NELL2: variants seen among roughly 807,000 people sequenced by gnomAD.
The protein encoded by NELL2 is protein kinase C-binding protein NELL2.
In NELL2, 41 loss-of-function variants were observed where a neutral mutation model predicts 109.6. The observed-to-expected ratio is 0.37, with a 90% confidence interval of 0.29 to 0.49. The LOEUF (loss-of-function observed/expected upper bound fraction) is 0.49, where lower values mean the gene tolerates loss of function less well. Ranked by LOEUF, NELL2 falls within the 20% of genes least tolerant of loss-of-function variation. The pLI is 0.98. For synonymous variants in NELL2, 355 were observed against 344.7 expected (o/e 1.03, Z -0.33); for missense variants, 900 against 1,008.3 (o/e 0.89, Z 1.45).
chr12:44,584,431 T>C (rs1944425494), intron 15 of NELL2, among the ~76,000 whole-genome samples: 1 of 152,238 alleles, frequency 6.6e-6, no homozygotes, highest in African/African-American at 2.4e-5. Context: ...GTTACGACAC[T>C]CTTTGTGCCA....
rs71093810 is a variant in NELL2, at chr12:44,517,371, T to TTCTCTC, written c.2400+2628_2400+2633dup. Reference sequence around the variant, plus strand: ...GTCTGGTACCTACCCACCAACTACTTTCTCTCTCTCTCTCTCTCTCTCTCT... The same window carrying TTCTCTC: ...GTCTGGTACCTACCCACCAACTACTTTCTCTCTCTCTCTCTCTCTCTCTCTCTCTCT... On this transcript the variant is annotated intron_variant, in intron 19 of 19. Transcript: ENST00000429094. 1.4e-3 allele frequency among the ~76,000 whole-genome samples: 145 copies of TTCTCTC among 102,502 alleles called. 2 individuals carry two copies. Among genetic ancestry groups the TTCTCTC allele is most frequent in the Non-Finnish European group, 1.9e-3 (93 of 48,934 alleles). The allele number at this position is 102,502 out of a possible 152,430, so 67.2% of individuals were successfully genotyped here.
At chr12:44,697,138 T>G (rs2136407507) in intron 12 of NELL2, among the ~76,000 whole-genome samples, 1 of 152,316 alleles carries the variant, frequency 6.6e-6, no homozygotes, top group East Asian at 1.9e-4. Flanking sequence ...ACCAAACTTC[T>G]AACTAAAGAC....
intron 2 of NELL2, among the ~76,000 whole-genome samples, chr12:44,856,359 A>G (rs1249007854): frequency 6.6e-6 from 1 of 152,254 alleles, no homozygotes; most frequent in Non-Finnish European, 1.5e-5. Flanking sequence ...GACAAACAAT[A>G]AACAATTCAA....
At chr12:44,609,201 T>C (rs545291942) in intron 14 of NELL2, among the ~76,000 whole-genome samples, 8 of 151,916 alleles carry the variant, frequency 5.3e-5, no homozygotes, top group Non-Finnish European at 8.8e-5. Context: ...CCATCTGCCT[T>C]GGCCCCCCAA....
chr12:44,527,029 A>G (rs970034973), intron 16 of NELL2, among the ~76,000 whole-genome samples: 1 of 152,226 alleles, frequency 6.6e-6, no homozygotes, highest in Non-Finnish European at 1.5e-5. Context: ...TAATCTCATC[A>G]TACTTAGCAA....
At chr12:44,568,005 C>A (rs1943724669) in intron 15 of NELL2, among the ~76,000 whole-genome samples, 1 of 151,696 alleles carries the variant, frequency 6.6e-6, no homozygotes, top group Admixed American at 6.6e-5. Flanking sequence ...TCACACTAAT[C>A]AAAAAATAAC....
At chr12:44,641,102 GAAGA>G (rs936122556) in intron 13 of NELL2, among the ~76,000 whole-genome samples, 1 of 152,076 alleles carries the variant, frequency 6.6e-6, no homozygotes, top group Non-Finnish European at 1.5e-5. Context: ...AGAACAGAAA[GAAGA>G]AAGAAAGAAA....
chr12:44,645,332 CA>C (rs2136307711), intron 13 of NELL2, among the ~76,000 whole-genome samples: 1 of 152,252 alleles, frequency 6.6e-6, no homozygotes, highest in South Asian at 2.1e-4. Context: ...ATAGCAAAAG[CA>C]AATGTAACAA....
intron 12 of NELL2, among the ~76,000 whole-genome samples, chr12:44,679,924 G>A (rs369518772): frequency 2.0e-5 from 3 of 152,156 alleles, no homozygotes; most frequent in African/African-American, 7.2e-5. Context: ...GCTTATTCAT[G>A]GGTAGTTAGT....
chr12:44,899,439 A>G (rs562998062), intron 1 of NELL2, among the ~76,000 whole-genome samples: 1 of 152,320 alleles, frequency 6.6e-6, no homozygotes, highest in East Asian at 1.9e-4. Context: ...ACAAGCCAGA[A>G]GAGAGTGGGG....
At chr12:44,846,765 T>C (rs886370572) in intron 2 of NELL2, among the ~76,000 whole-genome samples, 1 of 152,232 alleles carries the variant, frequency 6.6e-6, no homozygotes, top group East Asian at 1.9e-4. Flanking sequence ...GTGTACATAT[T>C]TGTACTTGCC....
intron 12 of NELL2, among the ~76,000 whole-genome samples, chr12:44,684,172 T>G (rs1361064301): frequency 6.6e-6 from 1 of 152,254 alleles, no homozygotes; most frequent in Non-Finnish European, 1.5e-5. Flanking sequence ...GAGGAATTTA[T>G]CCATTTCTTC....
At chr12:44,628,317 T>G (rs148203271) in intron 13 of NELL2, among the ~76,000 whole-genome samples, 196 of 152,342 alleles carry the variant, frequency 1.3e-3, no homozygotes, top group Non-Finnish European at 2.3e-3. Flanking sequence ...GACTTTGCAG[T>G]TATCCAGTGG....
At chr12:44,706,856 C>G (rs920519845) in intron 11 of NELL2, among the ~76,000 whole-genome samples, 2 of 152,084 alleles carry the variant, frequency 1.3e-5, no homozygotes, top group African/African-American at 4.8e-5. Flanking sequence ...AATCCCTTTG[C>G]AAGCTTTACA....
chr12:44,551,062 GA>G (rs2061693242), intron 15 of NELL2, among the ~76,000 whole-genome samples: 1 of 152,124 alleles, frequency 6.6e-6, no homozygotes, highest in African/African-American at 2.4e-5. Flanking sequence ...TGAGGCAAAA[GA>G]AAACGTTGGG....
chr12:44,752,762 C>T (rs1311805311), intron 9 of NELL2, among the ~76,000 whole-genome samples: 1 of 152,168 alleles, frequency 6.6e-6, no homozygotes, highest in Non-Finnish European at 1.5e-5. Flanking sequence ...CCAGCACCAT[C>T]ATTCTCACAG....
chr12:44,763,408 G>A (rs544904234), intron 9 of NELL2, among the ~76,000 whole-genome samples: 1 of 152,212 alleles, frequency 6.6e-6, no homozygotes, highest in Non-Finnish European at 1.5e-5. Context: ...AAAAGAATAC[G>A]TTATCTACTG....
At chr12:44,705,736 T>G (rs1365346300) in intron 11 of NELL2, among the ~76,000 whole-genome samples, 2 of 152,146 alleles carry the variant, frequency 1.3e-5, no homozygotes, top group African/African-American at 4.8e-5. Context: ...TAAAACAAAG[T>G]TACTAAAAAA....
chr12:44,665,626 G>A lies in NELL2; in HGVS notation c.1319-17C>T, dbSNP rs1566116733. On this transcript the variant is annotated splice_polypyrimidine_tract_variant and intron_variant, in intron 12 of 19. Coordinates refer to ENST00000429094, the MANE Select transcript of NELL2 (RefSeq NM_001145108.2). ...CATCGATGTCTGTGAAGAAAAACAG[G>A]ACAAAGAGGTCAACAGTGGGCAATA... 1 of 1,609,430 alleles carries A rather than the reference G, an allele frequency of 6.2e-7. No homozygotes were observed.
Sources: allele counts gnomAD v4.1 joint callset (sites outside exome capture counted in the v4.1 genomes callset), GRCh38; gene constraint gnomAD v4.1.1; transcripts MANE v1.5; gene names NCBI Gene and HGNC (gene_info 2026-07-23, HGNC 2026-07-21).